The following CLIC5 variants were observed in gnomAD, a reference collection of about 807,000 sequenced individuals.
The protein encoded by CLIC5 is CLIC family member 5, also known as chloride intracellular channel protein 5.
In CLIC5, 20 loss-of-function variants were observed where a neutral mutation model predicts 24.7. That is an observed-to-expected ratio of 0.81 (90% CI 0.57 to 1.18). CLIC5 has a LOEUF of 1.18. Among genes scored for constraint, CLIC5 ranks in the 50% most tolerant of loss-of-function variants. The probability of loss-of-function intolerance (pLI) is 0.00; values close to 1 mark genes in which losing one functional copy is unlikely to be tolerated. For missense variants in CLIC5, 341 were observed against 326.1 expected (o/e 1.05, Z -0.35); for synonymous variants, 159 against 135.6 (o/e 1.17, Z -1.20).
At chr6:46,014,329 T>C (rs1003271076) in intron 1 of CLIC5, 13 of 151,020 alleles carry the variant, frequency 8.6e-5, no homozygotes, top group African/African-American at 2.9e-4. Context: ...TGCAAACATC[T>C]ATTTAATTAG....
chr6:46,020,597 G>A (rs777917706), upstream of CLIC5, among the ~76,000 whole-genome samples: 78 of 151,254 alleles, frequency 5.2e-4, 1 homozygote, highest in African/African-American at 1.6e-3. Context: ...TAATGAAATC[G>A]AAGAAAAAAT....
the CLIC5 span, among the ~76,000 whole-genome samples, chr6:46,127,334 A>G: frequency 6.6e-6 from 1 of 152,148 alleles, no homozygotes; most frequent in African/African-American, 2.4e-5. Context: ...TCTTCTATCT[A>G]ACTGTATGTT....
intron 4 of CLIC5, chr6:45,932,882 G>A (rs1174649390): frequency 1.3e-5 from 2 of 152,264 alleles, no homozygotes; most frequent in Non-Finnish European, 2.9e-5. Context: ...AGGGCTCTAG[G>A]AGATGAGGAA....
At chr6:46,119,432 T>G in the CLIC5 span, among the ~76,000 whole-genome samples, 1 of 152,206 alleles carries the variant, frequency 6.6e-6, no homozygotes, top group South Asian at 2.1e-4. Flanking sequence ...CAATTAAAAG[T>G]AGTTTAAGCA....
chr6:46,111,637 C>T, the CLIC5 span, among the ~76,000 whole-genome samples: 1 of 152,146 alleles, frequency 6.6e-6, no homozygotes, highest in Non-Finnish European at 1.5e-5. Context: ...CTTTTCCTCT[C>T]TATCTAACAA....
chr6:45,947,090 C>G (rs1415855908), intron 3 of CLIC5, among the ~76,000 whole-genome samples: 2 of 152,166 alleles, frequency 1.3e-5, no homozygotes, highest in East Asian at 3.9e-4. Flanking sequence ...CTATTTGGAT[C>G]ATGGAAACTT....
At chr6:46,016,503 GGTTT>G (rs1258344348), upstream of CLIC5, among the ~76,000 whole-genome samples, 4 of 151,928 alleles carry the variant, frequency 2.6e-5, no homozygotes, top group Non-Finnish European at 4.4e-5. Context: ...CAGCCTTCTG[GGTTT>G]GTTTATTTTT....
At position 46,080,062 on chromosome 6, in the gene CLIC5, C is replaced by T. The variant is rs1762884146; in HGVS notation, c.181G>A (p.Val61Ile). The change falls in exon 1 of 6, where the codon GTC (valine) becomes ATC (isoleucine). Residue 61 changes from valine (V) to isoleucine (I), a missense_variant. Val to Ile is a conservative substitution (Grantham distance 29). Transcript: ENST00000185206. The stretch of plus-strand genomic sequence containing the variant: ...GTCTCTTCACCCTTAATGGTATAGA[C>T]TGACACAAAATCATACTCATGGGTA... 7 of 1,551,682 alleles carry T rather than the reference C, an allele frequency of 4.5e-6. 1 individual carries two copies. The African/African-American group carries it at 5.5e-5, about 12-fold the overall frequency.
At chr6:45,885,664 C>A (rs371806111) in intron 6 of CLIC5, among the ~76,000 whole-genome samples, 17 of 152,104 alleles carry the variant, frequency 1.1e-4, no homozygotes, top group Admixed American at 9.8e-4. Flanking sequence ...AATCTCATTT[C>A]GGTGAAAAGG....
At chr6:45,994,919 C>A (rs1268673852) in intron 1 of CLIC5, among the ~76,000 whole-genome samples, 2 of 152,164 alleles carry the variant, frequency 1.3e-5, no homozygotes, top group Non-Finnish European at 1.5e-5. Context: ...AATAACAGTC[C>A]TTTTCCTTTT....
At chr6:45,943,843 T>C (rs1764208850) in intron 3 of CLIC5, among the ~76,000 whole-genome samples, 1 of 152,178 alleles carries the variant, frequency 6.6e-6, no homozygotes, top group African/African-American at 2.4e-5. Flanking sequence ...GTGATTTTAC[T>C]GTGTAGTGCA....
chr6:45,986,883 G>C (rs1421420098), intron 1 of CLIC5, among the ~76,000 whole-genome samples: 1 of 152,222 alleles, frequency 6.6e-6, no homozygotes, highest in African/African-American at 2.4e-5. Flanking sequence ...CCAACTTAAA[G>C]GAGTCTTGTG....
At chr6:46,019,547 G>A (rs972391772), upstream of CLIC5, among the ~76,000 whole-genome samples, 1 of 150,618 alleles carries the variant, frequency 6.6e-6, no homozygotes, top group Non-Finnish European at 1.5e-5. Flanking sequence ...TTAGCCGGGC[G>A]CGGTGGCGGG....
intron 6 of CLIC5, among the ~76,000 whole-genome samples, chr6:45,891,268 T>C (rs1056651819): frequency 2.0e-5 from 3 of 152,134 alleles, no homozygotes; most frequent in African/African-American, 7.2e-5. Flanking sequence ...ACAAAACACA[T>C]TCTGCTTCTA....
chr6:45,969,309 C>A (rs1047172317), intron 1 of CLIC5, among the ~76,000 whole-genome samples: 4 of 152,178 alleles, frequency 2.6e-5, no homozygotes, highest in African/African-American at 9.7e-5. Flanking sequence ...CACCTGTGAC[C>A]ACCTTTGCTA....
downstream of CLIC5, among the ~76,000 whole-genome samples, chr6:45,894,504 G>T (rs1163965883): frequency 2.0e-5 from 3 of 152,040 alleles, no homozygotes; most frequent in Non-Finnish European, 4.4e-5. Context: ...ATGAAAAAGG[G>T]CATGGAAAGA....
At chr6:46,103,205 G>C in the CLIC5 span, among the ~76,000 whole-genome samples, 1 of 152,108 alleles carries the variant, frequency 6.6e-6, no homozygotes, top group South Asian at 2.1e-4. Flanking sequence ...GCAAACAAAT[G>C]GGCTTCTTAA....
At chr6:45,931,824 A>C (rs144550907) in intron 4 of CLIC5, among the ~76,000 whole-genome samples, 33 of 151,910 alleles carry the variant, frequency 2.2e-4, no homozygotes, top group African/African-American at 7.5e-4. Flanking sequence ...ATGCTCGGCT[A>C]ATTTTTTTGT....
chr6:46,107,969 G>C, the CLIC5 span, among the ~76,000 whole-genome samples: 1 of 144,250 alleles, frequency 6.9e-6, no homozygotes, highest in African/African-American at 2.5e-5. Context: ...AGGAGGCTGG[G>C]GTTGCAGTGA....
Sources: allele counts gnomAD v4.1 joint callset (sites outside exome capture counted in the v4.1 genomes callset), GRCh38; gene constraint gnomAD v4.1.1; transcripts MANE v1.5; gene names NCBI Gene and HGNC (gene_info 2026-07-23, HGNC 2026-07-21).